Variants in GRM1 observed in about 807,000 individuals in gnomAD.
GRM1 encodes metabotropic glutamate receptor 1.
A neutral mutation model predicts 90.9 loss-of-function variants in GRM1; 33 were observed. The observed-to-expected ratio is 0.36, with a 90% CI of 0.28 to 0.49. The LOEUF is 0.49. GRM1 is among the 20% of genes least tolerant of loss of function. The pLI is 0.99. For synonymous variants in GRM1, 700 were observed against 613.2 expected, an observed-to-expected ratio of 1.14 and a Z score of -2.09; for missense variants, 1,190 against 1,534.3, an observed-to-expected ratio of 0.78 and a Z score of 3.75.
chr6:146,052,367 A>T (rs931980713), intron 1 of GRM1, among the ~76,000 whole-genome samples: 1 of 151,890 alleles, frequency 6.6e-6, no homozygotes, highest in Non-Finnish European at 1.5e-5. Flanking sequence ...CATTACATTT[A>T]TCTAGGGAGC....
intron 1 of GRM1, among the ~76,000 whole-genome samples, chr6:146,119,664 G>C (rs1775905456): frequency 6.6e-6 from 1 of 152,126 alleles, no homozygotes; most frequent in African/African-American, 2.4e-5. Context: ...CATATGATTA[G>C]CCAGTTTTCC....
chr6:146,429,750 C>G (rs1778336586), intron 7 of GRM1, among the ~76,000 whole-genome samples: 1 of 152,130 alleles, frequency 6.6e-6, no homozygotes, highest in Admixed American at 6.5e-5. Context: ...CCAATTCCCT[C>G]CTTGCTGGGA....
At chr6:146,385,753 A>G (rs1182758771) in intron 5 of GRM1, among the ~76,000 whole-genome samples, 1 of 152,176 alleles carries the variant, frequency 6.6e-6, no homozygotes, top group East Asian at 1.9e-4. Context: ...GGTCTATAAA[A>G]TAAATATGTG....
At chr6:146,364,019 C>T (rs1405624646) in intron 5 of GRM1, among the ~76,000 whole-genome samples, 1 of 152,188 alleles carries the variant, frequency 6.6e-6, no homozygotes, top group East Asian at 1.9e-4. Context: ...GACGCATCCG[C>T]TTCTACCTTT....
intron 1 of GRM1, among the ~76,000 whole-genome samples, chr6:146,106,733 T>C (rs563912978): frequency 3.9e-5 from 6 of 152,234 alleles, no homozygotes; most frequent in Non-Finnish European, 8.8e-5. Flanking sequence ...ATGTCATCAC[T>C]GAGAATGCTC....
intron 2 of GRM1, among the ~76,000 whole-genome samples, chr6:146,193,720 G>T (rs936192628): frequency 6.6e-6 from 1 of 151,900 alleles, no homozygotes; most frequent in African/African-American, 2.4e-5. Flanking sequence ...TTTTTAAAAT[G>T]CATTCTAGGT....
chr6:146,146,103 CTTTTTTTTTTTTTTTTTTTTTT>C (rs35329703), intron 1 of GRM1, among the ~76,000 whole-genome samples: 2 of 19,950 alleles, frequency 1.0e-4, no homozygotes, highest in African/African-American at 1.5e-4. Context: ...ACCATTGTAT[CTTTTTTTTTTTTTTTTTTTTTT>C]TTTTTTTTTT....
chr6:146,127,485 G>A (rs2128879203), intron 1 of GRM1, among the ~76,000 whole-genome samples: 1 of 152,276 alleles, frequency 6.6e-6, no homozygotes. Flanking sequence ...ATTGTTCATG[G>A]CTGGTGCTCA....
chr6:146,095,717 G>C (rs1228245041), intron 1 of GRM1, among the ~76,000 whole-genome samples: 1 of 152,052 alleles, frequency 6.6e-6, no homozygotes, highest in Non-Finnish European at 1.5e-5. Context: ...TAAATGTGTT[G>C]GATGAATGAT....
intron 2 of GRM1, among the ~76,000 whole-genome samples, chr6:146,234,295 C>T (rs1780554315): frequency 6.6e-6 from 1 of 151,944 alleles, no homozygotes; most frequent in Admixed American, 6.6e-5. Context: ...CATATTCTGG[C>T]ACTCTCTTTC....
chr6:146,198,479 T>C (rs753737151), intron 2 of GRM1, among the ~76,000 whole-genome samples: 1 of 152,176 alleles, frequency 6.6e-6, no homozygotes, highest in African/African-American at 2.4e-5. Flanking sequence ...TGCTACTTGG[T>C]CTTTTCCAAG....
chr6:146,391,088 C>T (rs929293746), intron 6 of GRM1, among the ~76,000 whole-genome samples: 6 of 152,024 alleles, frequency 3.9e-5, no homozygotes, highest in African/African-American at 1.2e-4. Context: ...TACCTCAAGA[C>T]GCTTTGCATA....
chr6:146,349,920 T>A (rs752700134), intron 3 of GRM1, among the ~76,000 whole-genome samples: 1 of 152,170 alleles, frequency 6.6e-6, no homozygotes, highest in Admixed American at 6.5e-5. Context: ...CTTAATAACC[T>A]CAGAAGATAA....
At chr6:146,243,026 A>T (rs1258245906) in intron 2 of GRM1, among the ~76,000 whole-genome samples, 1 of 152,142 alleles carries the variant, frequency 6.6e-6, no homozygotes, top group Non-Finnish European at 1.5e-5. Context: ...CAGAGAGGTC[A>T]CCTGACCTTT....
At position 146,399,005 on chromosome 6, in the gene GRM1, T is replaced by A. The variant is rs1353347512; in HGVS notation, c.1966T>A (p.Ser656Thr). 1 of 1,613,924 alleles carries A rather than the reference T, an allele frequency of 6.2e-7. No homozygotes were observed. The highest frequency in any genetic ancestry group is 1.7e-5 in the Admixed American group (1 of 59,982). The change falls in exon 7 of 8, where the codon TCC becomes ACC. Residue 656 changes from serine to threonine, a missense_variant. Coordinates refer to ENST00000282753, the MANE Select transcript of GRM1 (RefSeq NM_001278064.2). The surrounding 1 kb of genome is among the most constrained non-coding windows in gnomAD (Gnocchi z 5.4). The stretch of plus-strand genomic sequence containing the variant: ...TCTCATTGCCAAACCTACTACCACC[T>A]CCTGCTACCTCCAGCGCCTCTTGGT... Reference protein sequence around the residue: ...FTLIAKPTTTSCYLQRLLVGL... With the variant: ...FTLIAKPTTTTCYLQRLLVGL...
At chr6:146,380,234 A>G (rs751733390) in intron 5 of GRM1, among the ~76,000 whole-genome samples, 32 of 152,208 alleles carry the variant, frequency 2.1e-4, no homozygotes, top group Non-Finnish European at 4.4e-4. Flanking sequence ...TGGAAGTTCC[A>G]TCTGGGAGTC....
rs1414514777 is a variant in GRM1 at position 146,436,756 on chromosome 6, A to T, written c.*1960A>T. The T allele has an allele frequency of 6.6e-6, 1 of 152,476 alleles. No homozygotes were observed. The highest frequency in any genetic ancestry group is 2.4e-5 in the African/African-American group (1 of 41,396). The allele number at this position is 152,476 out of a possible 1,614,324, so 9.4% of individuals were successfully genotyped here. The stretch of plus-strand genomic sequence containing the variant: ...GTGGAATGAATTATACCCCCCTTAA[A>T]TATCTTTGTTTATGCCTTATGTTCA... On this transcript the variant is annotated 3_prime_UTR_variant, in exon 8 of 8. Transcript: ENST00000282753.
chr6:146,097,651 T>C (rs1000373275), intron 1 of GRM1, among the ~76,000 whole-genome samples: 4 of 152,224 alleles, frequency 2.6e-5, no homozygotes, highest in African/African-American at 9.6e-5. Flanking sequence ...TTCCACAAAA[T>C]GAATGCTCCA....
chr6:146,420,712 A>C (rs1777960379), intron 7 of GRM1, among the ~76,000 whole-genome samples: 1 of 152,224 alleles, frequency 6.6e-6, no homozygotes, highest in African/African-American at 2.4e-5. Flanking sequence ...TAGAAAACCA[A>C]GTCAGTATTC....
Sources: gnomAD v4.1 joint callset for allele counts (sites outside exome capture counted in the v4.1 genomes callset) on GRCh38, gnomAD v4.1.1 for gene constraint, Gnocchi (gnomAD v3.1) non-coding constraint, MANE v1.5 for transcripts, NCBI Gene and HGNC (gene_info 2026-07-23, HGNC 2026-07-21) for gene names.